PBRM1: variants seen among roughly 807,000 people sequenced by gnomAD.
PBRM1 encodes the protein protein polybromo-1.
PBRM1 carries 27 observed loss-of-function variants against 194.5 expected under a neutral mutation model. That is an observed-to-expected ratio of 0.14 (90% CI 0.10 to 0.19). PBRM1 has a LOEUF of 0.19. Ranked by LOEUF, PBRM1 falls within the 10% of genes least tolerant of loss-of-function variation. The pLI, the probability that PBRM1 is intolerant of heterozygous loss-of-function variation, is 1.00. For synonymous variants in PBRM1, 655 were observed against 693.2 expected (o/e 0.94, Z 0.87); for missense variants, 1,466 against 2,077.2 (o/e 0.71, Z 5.72).
At chr3:52,579,149 G>C (rs761247872) in exon 21 of PBRM1, 1 of 1,614,004 alleles carries the variant, frequency 6.2e-7, no homozygotes, top group African/African-American at 1.3e-5. Flanking sequence ...GCTCAAAGTA[G>C]TGGCAACCTG....
chr3:52,603,816 T>C, intron 16 of PBRM1, 84 bp from the exon 19 acceptor site: 1 of 1,152,574 alleles, frequency 8.7e-7, no homozygotes, highest in South Asian at 1.4e-5. Context: ...TATTAAATGC[T>C]TCTTTAATTG....
chr3:52,574,799 T>C (rs1460090402), intron 22 of PBRM1, among the ~76,000 whole-genome samples: 1 of 152,232 alleles, frequency 6.6e-6, no homozygotes, highest in Non-Finnish European at 1.5e-5. Flanking sequence ...GGGAGTTTTA[T>C]GGTTTTATTG....
intron 10 of PBRM1, among the ~76,000 whole-genome samples, chr3:52,637,995 CCT>C (rs559499766): frequency 3.3e-5 from 5 of 152,012 alleles, no homozygotes; most frequent in Admixed American, 6.6e-5. Context: ...TCAATATCCC[CCT>C]CTCTTACTAG....
intron 16 of PBRM1, among the ~76,000 whole-genome samples, chr3:52,606,540 C>T (rs2094357354): frequency 1.3e-5 from 2 of 152,040 alleles, no homozygotes; most frequent in South Asian, 4.1e-4. Context: ...ACATTCTGTA[C>T]AAGAGTCACT....
intron 18 of PBRM1, among the ~76,000 whole-genome samples, chr3:52,587,719 C>T (rs185012631): frequency 6.2e-4 from 94 of 151,930 alleles, no homozygotes; most frequent in African/African-American, 2.2e-3. Flanking sequence ...TCAGAAATCA[C>T]ACATTCTTTG....
intron 10 of PBRM1, among the ~76,000 whole-genome samples, chr3:52,636,163 G>A (rs898031290): frequency 4.6e-5 from 7 of 151,764 alleles, no homozygotes; most frequent in South Asian, 2.1e-4. Context: ...GAGCCACCAC[G>A]CCCAGCCTAG....
intron 13 of PBRM1, among the ~76,000 whole-genome samples, chr3:52,621,454 C>T (rs1246216420): frequency 1.3e-5 from 2 of 152,130 alleles, no homozygotes; most frequent in African/African-American, 2.4e-5. Flanking sequence ...TGAGCCACTG[C>T]GCCCCAGCTC....
At chr3:52,625,005 T>C (rs888689678) in intron 13 of PBRM1, 64 bp from the exon 15 acceptor site, 8 of 1,072,238 alleles carry the variant, frequency 7.5e-6, no homozygotes, top group Non-Finnish European at 9.9e-6. Context: ...TGGAGGGTCA[T>C]GTACAAACCA....
chr3:52,551,660 A>C (rs2081015590), intron 27 of PBRM1, among the ~76,000 whole-genome samples: 1 of 152,234 alleles, frequency 6.6e-6, no homozygotes, highest in South Asian at 2.1e-4. Flanking sequence ...AAAATACAGA[A>C]ATAGGCAAGG....
At chr3:52,654,343 C>T (rs925249272) in intron 5 of PBRM1, among the ~76,000 whole-genome samples, 6 of 152,178 alleles carry the variant, frequency 3.9e-5, no homozygotes, top group Non-Finnish European at 7.3e-5. Context: ...TCCATTGCTG[C>T]CCCTTCTCTT....
intron 22 of PBRM1, among the ~76,000 whole-genome samples, chr3:52,564,985 G>A (rs1234327582): frequency 6.6e-6 from 1 of 151,834 alleles, no homozygotes; most frequent in Non-Finnish European, 1.5e-5. Context: ...GAAACACGAG[G>A]TCAAGAGATC....
chr3:52,660,605 C>T (rs954159509), intron 4 of PBRM1, among the ~76,000 whole-genome samples: 5 of 151,858 alleles, frequency 3.3e-5, no homozygotes, highest in East Asian at 1.9e-4. Context: ...CTCTGCCTCC[C>T]GGGTTCAAGC....
intron 2 of PBRM1, among the ~76,000 whole-genome samples, chr3:52,673,019 C>G (rs2096986309): frequency 6.6e-6 from 1 of 151,646 alleles, no homozygotes; most frequent in South Asian, 2.1e-4. Context: ...CGGAGTTTTG[C>G]TCTTATTGTC....
At chr3:52,572,821 T>C (rs1441812419) in intron 22 of PBRM1, among the ~76,000 whole-genome samples, 1 of 146,318 alleles carries the variant, frequency 6.8e-6, no homozygotes, top group Non-Finnish European at 1.5e-5. Flanking sequence ...AAACTTCTAT[T>C]TCAGAGACAC....
At chr3:52,623,180 C>A (rs937069131) in intron 13 of PBRM1, among the ~76,000 whole-genome samples, 3 of 152,176 alleles carry the variant, frequency 2.0e-5, no homozygotes, top group African/African-American at 7.2e-5. Flanking sequence ...CTCAACTACT[C>A]AGGAGGCTGA....
intron 3 of PBRM1, among the ~76,000 whole-genome samples, chr3:52,664,626 T>G (rs2096794251): frequency 6.6e-6 from 1 of 150,860 alleles, no homozygotes; most frequent in Admixed American, 6.6e-5. Flanking sequence ...TCCCAGCTAC[T>G]CAGGGGCTGA....
At chr3:52,549,148 T>C (rs1439974234) in intron 29 of PBRM1, among the ~76,000 whole-genome samples, 2 of 151,980 alleles carry the variant, frequency 1.3e-5, no homozygotes, top group Non-Finnish European at 2.9e-5. Context: ...GCCTCCCAAG[T>C]AGCTGGGATT....
intron 1 of PBRM1, 142 bp from the exon 3 acceptor site, chr3:52,678,739 G>GT: frequency 8.6e-6 from 5 of 581,736 alleles, no homozygotes; most frequent in Non-Finnish European, 1.5e-5. Flanking sequence ...ACATGCTAAA[G>GT]TCTGAAATAT....
chr3:52,550,315 G>C (rs1382293428), intron 29 of PBRM1, 106 bp downstream of exon 31: 1 of 439,606 alleles, frequency 2.3e-6, no homozygotes, highest in African/African-American at 2.0e-5. Context: ...TATTTTAATT[G>C]TATAAGAAAA....
Sources: gnomAD v4.1 joint callset for allele counts (sites outside exome capture counted in the v4.1 genomes callset) on GRCh38, gnomAD v4.1.1 for gene constraint, MANE v1.5 for transcripts, NCBI Gene and HGNC (gene_info 2026-07-23, HGNC 2026-07-21) for gene names.